UBN1: variants seen among roughly 807,000 people sequenced by gnomAD.
UBN1 encodes ubinuclein 1, also known as ubinuclein-1.
UBN1 carries 17 observed loss-of-function variants against 108.5 expected under a neutral mutation model. The observed-to-expected ratio is 0.16, with a 90% confidence interval of 0.11 to 0.24. The LOEUF (loss-of-function observed/expected upper bound fraction) is 0.24, where lower values mean the gene tolerates loss of function less well. Among genes scored for constraint, UBN1 ranks in the 10% least tolerant of loss-of-function variants. UBN1 has a pLI of 1.00. For missense variants in UBN1, 1,595 were observed against 1,394.4 expected (o/e 1.14, Z -2.29); for synonymous variants, 726 against 564.2 (o/e 1.29, Z -4.07).
At position 4,877,175 on chromosome 16, in the gene UBN1, T is replaced by C; in HGVS notation, c.3265+64T>C. The C allele has an allele frequency of 6.5e-7, 1 of 1,540,950 alleles. No homozygotes were observed. Among genetic ancestry groups the C allele is most frequent in the South Asian group, 1.3e-5 (1 of 79,270 alleles). On this transcript the variant is annotated intron_variant, in intron 16 of 17. Coordinates refer to ENST00000262376, the MANE Select transcript of UBN1 (RefSeq NM_001079514.3). The surrounding 1 kb of genome is among the most constrained non-coding windows in gnomAD (Gnocchi z 4.3). ...TCTAGATTGTGGCCAGGGGTCCTGC[T>C]GTTGTGTACTCTGGTTCCTGTGTTT...
intron 1 of UBN1, among the ~76,000 whole-genome samples, chr16:4,851,516 A>G (rs557840599): frequency 6.6e-6 from 1 of 152,270 alleles, no homozygotes. Context: ...CATTCTAGGC[A>G]TAAAAGAAAT....
At position 4,876,936 on chromosome 16, in the gene UBN1, C is replaced by G; in HGVS notation, c.3090C>G (p.Ser1030Arg). The G allele has an allele frequency of 6.2e-7, 1 of 1,614,062 alleles. No individual in the cohort carries two copies. Among genetic ancestry groups the G allele is most frequent in the East Asian group, 2.2e-5 (1 of 44,878 alleles). The change falls in exon 16 of 18, where the codon AGC (serine) becomes AGG (arginine). Residue 1030 changes from serine to arginine, a missense_variant. This residue lies in a region of UBN1 where 1,398 missense variants were observed against 1,194.7 expected (regional missense o/e 1.17). Coordinates refer to ENST00000262376, the MANE Select transcript of UBN1 (RefSeq NM_001079514.3). ...SSLMASPYKS[S>R]SPKLSGAMSS... is the part of the protein sequence containing the mutation. ...TGATGGCTTCACCCTACAAATCCAGCAGCCCAAAGCTGTCTGGGGCCATGA... is the reference window on the plus strand; with the variant it reads ...TGATGGCTTCACCCTACAAATCCAGGAGCCCAAAGCTGTCTGGGGCCATGA...
intron 1 of UBN1, among the ~76,000 whole-genome samples, chr16:4,848,949 A>G (rs1430937475): frequency 1.3e-5 from 2 of 152,156 alleles, no homozygotes; most frequent in East Asian, 1.9e-4. Context: ...TAAAAATACA[A>G]AATTAGCCGG....
chr16:4,861,053 C>G lies in UBN1; in HGVS notation c.1061C>G (p.Pro354Arg), dbSNP rs745399996. ...GAATTCAGGCAGCCCTCTTCTCTCC[C>G]CGAAGGCCTGCCAGCACCCCTGGAG... ...DQEFRQPSSL[P>R]EGLPAPLEKR... Residue 354 changes from proline to arginine, a missense_variant, in exon 7 of 18, where the codon CCC becomes CGC. Pro to Arg is a moderately radical substitution (Grantham distance 103). This residue lies in a region of UBN1 where 1,398 missense variants were observed against 1,194.7 expected (regional missense o/e 1.17). Transcript: ENST00000262376. The G allele has an allele frequency of 1.2e-6, 2 of 1,614,014 alleles. No homozygotes were observed. The highest frequency in any genetic ancestry group is 1.7e-6 in the Non-Finnish European group (2 of 1,180,030).
rs1040320540 is a variant in UBN1 at position 4,848,064 on chromosome 16, G to C, written c.-186G>C. On this transcript the variant is annotated 5_prime_UTR_variant, in exon 1 of 18. Transcript: ENST00000262376. ...CACACCAGGCTCCCCTGGGCTCGGG[G>C]ACCCGGCCATGGGCCGAGGCGCGGG... 6.6e-6 allele frequency: 1 copy of C among 152,050 alleles called. No individual in the cohort carries two copies. Among genetic ancestry groups the C allele is most frequent in the Non-Finnish European group, 1.5e-5 (1 of 68,016 alleles). The allele number at this position is 152,050 out of a possible 1,614,324, so 9.4% of individuals were successfully genotyped here. A position where few individuals can be genotyped will look rare whatever the true frequency, so the allele number is the denominator to read the frequency against.
At position 4,847,914 on chromosome 16, in the gene UBN1, C is replaced by G. The variant is rs893249879; in HGVS notation, c.-336C>G. ...GGAGGCGCCGTCTGAGCGCGGGGTC[C>G]CGCGCCGCAAGTTCTCCTGGGGCGA... On this transcript the variant is annotated 5_prime_UTR_variant, in exon 1 of 18. Transcript: ENST00000262376. The G allele has an allele frequency of 3.8e-4, 58 of 152,638 alleles. No homozygotes were observed. The highest frequency in any genetic ancestry group is 1.4e-3 in the African/African-American group (57 of 41,574). 9.5% of individuals were successfully genotyped at this position (152,638 alleles called of 1,614,324 possible).
intron 14 of UBN1, among the ~76,000 whole-genome samples, chr16:4,873,481 C>T (rs920429495): frequency 2.0e-5 from 3 of 152,120 alleles, no homozygotes; most frequent in Admixed American, 2.0e-4. Flanking sequence ...AAATGGAGGG[C>T]AATATAGTGG....
rs1596532416 is a variant in UBN1, at chr16:4,877,730, C to T, written c.3355+256C>T. On this transcript the variant is annotated intron_variant, in intron 17 of 17. Coordinates refer to ENST00000262376, the MANE Select transcript of UBN1 (RefSeq NM_001079514.3). The surrounding 1 kb of genome is among the most constrained non-coding windows in gnomAD (Gnocchi z 4.3). Reference sequence around the variant, plus strand: ...TGATCACAGGGAAAGTTGCGGGGGGCAGGGTGGTGCGCTTTTGTGTGCGGT... The same window carrying T: ...TGATCACAGGGAAAGTTGCGGGGGGTAGGGTGGTGCGCTTTTGTGTGCGGT... 8.4e-7 allele frequency: 1 copy of T among 1,194,996 alleles called. No individual in the cohort carries two copies. Among genetic ancestry groups the T allele is most frequent in the South Asian group, 4.0e-5 (1 of 25,176 alleles). The allele number at this position is 1,194,996 out of a possible 1,614,324, so 74.0% of individuals were successfully genotyped here.
At chr16:4,851,301 C>T (rs1463133875) in intron 1 of UBN1, among the ~76,000 whole-genome samples, 2 of 152,082 alleles carry the variant, frequency 1.3e-5, no homozygotes, top group Admixed American at 6.6e-5. Flanking sequence ...AACGTCCCTA[C>T]AAAAAATACA....
At chr16:4,851,293 C>T (rs1005710600) in intron 1 of UBN1, among the ~76,000 whole-genome samples, 3 of 152,096 alleles carry the variant, frequency 2.0e-5, no homozygotes, top group Admixed American at 6.6e-5. Flanking sequence ...GGCAAAACAA[C>T]GTCCCTACAA....
intron 1 of UBN1, among the ~76,000 whole-genome samples, chr16:4,850,887 G>A (rs1465372308): frequency 6.6e-6 from 1 of 152,088 alleles, no homozygotes; most frequent in Non-Finnish European, 1.5e-5. Context: ...TAATACATAG[G>A]CTGGAATGGC....
chr16:4,874,511 G>A lies in UBN1; in HGVS notation c.2101G>A (p.Ala701Thr), dbSNP rs778128248. 5.0e-6 allele frequency: 8 copies of A among 1,614,182 alleles called. No individual in the cohort carries two copies. The highest frequency in any genetic ancestry group is 6.8e-6 in the Non-Finnish European group (8 of 1,180,018). The change falls in exon 15 of 18, where the codon GCA becomes ACA. Residue 701 changes from alanine to threonine, a missense_variant. Ala to Thr is a moderately conservative substitution (Grantham distance 58). Coordinates refer to ENST00000262376, the MANE Select transcript of UBN1 (RefSeq NM_001079514.3). ...SEFTLPAPSK[A>T]PAEKVGGVLC... ...ATTCACACTGCCTGCACCCTCAAAA[G>A]CACCTGCAGAAAAAGTTGGAGGCGT...
At chr16:4,876,271 T>A (rs957192327) in intron 15 of UBN1, among the ~76,000 whole-genome samples, 1 of 152,154 alleles carries the variant, frequency 6.6e-6, no homozygotes, top group Non-Finnish European at 1.5e-5. Flanking sequence ...TTTTCTAATA[T>A]ATAAATGAAG....
chr16:4,870,457 C>T (rs528913492), intron 9 of UBN1, 59 bp from the exon 10 acceptor site: 12 of 1,610,862 alleles, frequency 7.4e-6, no homozygotes, highest in Non-Finnish European at 1.0e-5. Flanking sequence ...CCCCATCATG[C>T]GTCCTGAGCG....
Position 4,873,985 on chromosome 16 carries a change from C to A in UBN1, c.1801-226C>A, listed in dbSNP as rs146141337. 3.1e-3 allele frequency among the ~76,000 whole-genome samples: 470 copies of A among 152,242 alleles called. 2 individuals are homozygous for A. The highest frequency in any genetic ancestry group is 0.011 in the African/African-American group (439 of 41,538). On this transcript the variant is annotated intron_variant, in intron 14 of 17. Coordinates refer to ENST00000262376, the MANE Select transcript of UBN1 (RefSeq NM_001079514.3). ...GTTTGTACTTAGCAACGAAGCATGCCGGGGTAAACCCAGCCCTGGCCAACC... is the reference window on the plus strand; with the variant it reads ...GTTTGTACTTAGCAACGAAGCATGCAGGGGTAAACCCAGCCCTGGCCAACC...
chr16:4,870,859 G>A lies in UBN1; in HGVS notation c.1446G>A (p.Glu482=). 3 of 1,613,984 alleles carry A rather than the reference G, an allele frequency of 1.9e-6. No homozygotes were observed. The highest frequency in any genetic ancestry group is 2.2e-5 in the East Asian group (1 of 44,868). Residue 482 remains glutamate, a synonymous_variant, in exon 11 of 18, where the codon GAG becomes GAA. Coordinates refer to ENST00000262376, the MANE Select transcript of UBN1 (RefSeq NM_001079514.3). ...CACCCCGTAGGATGCTGGAAGAGGAGAAAGACAAGGAGCAGAGGGACCGGA... is the reference window on the plus strand; with the variant it reads ...CACCCCGTAGGATGCTGGAAGAGGAAAAAGACAAGGAGCAGAGGGACCGGA... The part of the protein sequence containing the change: ...QAKVAKMLEE[E]KDKEQRDRIC...
Position 4,859,024 on chromosome 16 carries a change from G to A in UBN1, c.433-1G>A. The A allele has an allele frequency of 6.2e-7, 1 of 1,612,620 alleles. No homozygotes were observed. On this transcript the variant is annotated splice_acceptor_variant, in intron 4 of 17. Coordinates refer to ENST00000262376, the MANE Select transcript of UBN1 (RefSeq NM_001079514.3). LOFTEE classifies it high-confidence loss of function. Reference sequence around the variant, plus strand: ...GCTGACAGTTTGTTTCCCATCTTCAGTATGATGAGCTTGTTCCTGCTTCTT... The same window carrying A: ...GCTGACAGTTTGTTTCCCATCTTCAATATGATGAGCTTGTTCCTGCTTCTT...
chr16:4,876,039 A>G (rs148348103), intron 15 of UBN1, among the ~76,000 whole-genome samples: 10,239 of 151,262 alleles, frequency 0.068, 413 homozygotes, highest in Non-Finnish European at 0.074. Flanking sequence ...GCTCAGCGCA[A>G]GCTCCACCTC....
chr16:4,867,828 T>C (rs2087412124), intron 7 of UBN1, among the ~76,000 whole-genome samples: 1 of 152,164 alleles, frequency 6.6e-6, no homozygotes, highest in African/African-American at 2.4e-5. Context: ...CCCTTCATTC[T>C]AGATAGTCAC....
Sources: allele counts gnomAD v4.1 joint callset (sites outside exome capture counted in the v4.1 genomes callset), GRCh38; gene constraint gnomAD v4.1.1; regional missense constraint gnomAD v4.1.1; non-coding constraint Gnocchi (gnomAD v3.1); transcripts MANE v1.5; gene names NCBI Gene and HGNC (gene_info 2026-07-23, HGNC 2026-07-21).